Variants in DGKH observed in about 807,000 individuals in gnomAD.
DGKH encodes the protein diacylglycerol kinase eta.
A neutral mutation model predicts 159.3 loss-of-function variants in DGKH; 90 were observed. The ratio of observed to expected loss-of-function variants is 0.57; its 90% CI spans 0.48 to 0.67. The LOEUF (loss-of-function observed/expected upper bound fraction) is 0.67, where lower values mean the gene tolerates loss of function less well. Among genes scored for constraint, DGKH ranks in the 30% least tolerant of loss-of-function variants. The probability of loss-of-function intolerance (pLI) is 0.00; values close to 1 mark genes in which losing one functional copy is unlikely to be tolerated. For synonymous variants in DGKH, 536 were observed against 553.8 expected, an observed-to-expected ratio of 0.97 and a Z score of 0.45; for missense variants, 1,181 against 1,506.1, an observed-to-expected ratio of 0.78 and a Z score of 3.57.
rs1958500179 is a variant in DGKH, at chr13:42,240,777, C to G, written c.*11589C>G. 1 of 152,162 alleles carries G rather than the reference C, an allele frequency of 6.6e-6. No homozygotes were observed. The highest frequency in any genetic ancestry group is 1.5e-5 in the Non-Finnish European group (1 of 68,020). The allele number at this position is 152,162 out of a possible 1,614,324, so 9.4% of individuals were successfully genotyped here. ...CCTTTCTACCATATCACCAAATACT[C>G]ATAAAGGCTAACACAGAAAGCTTTT... On this transcript the variant is annotated 3_prime_UTR_variant, in exon 30 of 30. Coordinates refer to ENST00000337343, the MANE Select transcript of DGKH (RefSeq NM_178009.5).
intron 1 of DGKH, among the ~76,000 whole-genome samples, chr13:42,108,969 GT>G (rs1486038360): frequency 6.6e-6 from 1 of 152,212 alleles, no homozygotes; most frequent in Non-Finnish European, 1.5e-5. Flanking sequence ...GGAAAAAGTT[GT>G]TATTTTTAAA....
At chr13:42,198,182 T>C (rs1382824491) in intron 17 of DGKH, among the ~76,000 whole-genome samples, 1 of 152,224 alleles carries the variant, frequency 6.6e-6, no homozygotes, top group Non-Finnish European at 1.5e-5. Context: ...GTAAAATGTA[T>C]TTGTTATAGA....
At chr13:42,069,860 C>A (rs1328483110) in intron 1 of DGKH, 5 of 775,670 alleles carry the variant, frequency 6.4e-6, no homozygotes, top group Admixed American at 2.4e-5. Context: ...AAAGCAGGAT[C>A]CCCCAGATAC....
chr13:42,243,473 G>A (rs1025742086), downstream of DGKH, among the ~76,000 whole-genome samples: 1 of 152,184 alleles, frequency 6.6e-6, no homozygotes, highest in African/African-American at 2.4e-5. Context: ...TCCAGTGCAT[G>A]ACAAGTGTTG....
At chr13:42,174,221 TG>T in intron 12 of DGKH, 77 bp downstream of exon 12, 1 of 1,205,774 alleles carries the variant, frequency 8.3e-7, no homozygotes, top group Non-Finnish European at 1.2e-6. Flanking sequence ...AGAGAGAAAA[TG>T]TACTCCTAAT....
intron 21 of DGKH, among the ~76,000 whole-genome samples, chr13:42,206,594 C>G (rs1042281939): frequency 3.3e-5 from 5 of 151,968 alleles, no homozygotes; most frequent in Non-Finnish European, 1.5e-5. Context: ...GGGCTAAAAT[C>G]AAGGTGTCAG....
intron 29 of DGKH, among the ~76,000 whole-genome samples, chr13:42,222,934 A>C (rs1958020949): frequency 6.6e-6 from 1 of 152,244 alleles, no homozygotes; most frequent in African/African-American, 2.4e-5. Flanking sequence ...GTTAGAAAAG[A>C]ATAGAAAGAA....
At chr13:42,040,369 C>G (rs1241612215) in intron 1 of DGKH, among the ~76,000 whole-genome samples, 6 of 151,994 alleles carry the variant, frequency 3.9e-5, no homozygotes, top group Non-Finnish European at 7.4e-5. Flanking sequence ...CGCCCGGCCC[C>G]GGGGGAGGCC....
intron 1 of DGKH, among the ~76,000 whole-genome samples, chr13:42,049,564 C>A (rs931173024): frequency 1.3e-5 from 2 of 152,174 alleles, no homozygotes; most frequent in Admixed American, 6.5e-5. Flanking sequence ...AGGCAGAAGC[C>A]CCGAGGCAGG....
intron 11 of DGKH, among the ~76,000 whole-genome samples, chr13:42,170,867 C>T (rs554091219): frequency 6.6e-6 from 1 of 150,922 alleles, no homozygotes; most frequent in African/African-American, 2.4e-5. Flanking sequence ...CGCTTGAACC[C>T]GGGAGGCGGA....
chr13:42,113,596 A>G (rs1406076288), intron 1 of DGKH, among the ~76,000 whole-genome samples: 3 of 152,212 alleles, frequency 2.0e-5, no homozygotes, highest in Non-Finnish European at 2.9e-5. Context: ...GTCTGGAGTC[A>G]AAAGGAGCTG....
intron 13 of DGKH, among the ~76,000 whole-genome samples, chr13:42,181,276 CAAAAAAAAA>C (rs34220072): frequency 2.2e-4 from 18 of 81,244 alleles, no homozygotes; most frequent in Admixed American, 5.3e-4. Flanking sequence ...GACTCTGTCT[CAAAAAAAAA>C]AAAAAAAAAA....
At chr13:42,147,827 T>C (rs1367048849) in intron 3 of DGKH, among the ~76,000 whole-genome samples, 1 of 152,200 alleles carries the variant, frequency 6.6e-6, no homozygotes, top group African/African-American at 2.4e-5. Context: ...AATATATATC[T>C]TGTAAATATT....
chr13:42,166,647 A>G lies in DGKH; in HGVS notation c.1091A>G (p.Asp364Gly). ...TTGCTAAATCCGGCTCAGGTGTTTG[A>G]TTTAATGAATGGAGGTCCTCATTTA... ...KQLLNPAQVF[D>G]LMNGGPHLGL... Residue 364 changes from aspartate (D) to glycine (G), a missense_variant, in exon 9 of 30, where the codon GAT becomes GGT. Physicochemically the swap from Asp to Gly is moderately conservative, Grantham distance 94 (BLOSUM62 -1). This residue lies in a region of DGKH where 369 missense variants were observed against 519.4 expected (regional missense o/e 0.71). Coordinates refer to ENST00000337343, the MANE Select transcript of DGKH (RefSeq NM_178009.5). The G allele has an allele frequency of 6.2e-7, 1 of 1,601,922 alleles. No homozygotes were observed.
At chr13:42,219,645 T>C in intron 27 of DGKH, 41 bp from the exon 28 acceptor site, 2 of 1,564,032 alleles carry the variant, frequency 1.3e-6, no homozygotes, top group African/African-American at 1.4e-5. Context: ...TTTCTCCTTT[T>C]CATATCCTGA....
At chr13:42,210,471 G>T (rs997830216) in intron 23 of DGKH, 131 bp from the exon 24 acceptor site, 1 of 880,642 alleles carries the variant, frequency 1.1e-6, no homozygotes, top group Non-Finnish European at 1.7e-6. Context: ...ACTTTGAAAT[G>T]TCTTTTTTAT....
chr13:42,067,794 A>C lies in DGKH; in HGVS notation c.192+18829A>C, dbSNP rs189790611. On this transcript the variant is annotated intron_variant, in intron 1 of 29. Coordinates refer to ENST00000337343, the MANE Select transcript of DGKH (RefSeq NM_178009.5). ...TATAGACAGTATTCAATAAAATAAA[A>C]TAGATGAAACAAATTCTAAGAGACT... is the stretch of plus-strand genomic sequence containing the variant. Among the ~76,000 whole-genome samples, 163 of 152,260 alleles carry C rather than the reference A, an allele frequency of 1.1e-3. 1 individual carries two copies. Among genetic ancestry groups the C allele is most frequent in the African/African-American group, 3.8e-3 (157 of 41,550 alleles).
At chr13:42,221,049 C>G (rs1957957088) in intron 28 of DGKH, 1 of 488,440 alleles carries the variant, frequency 2.0e-6, no homozygotes, top group Non-Finnish European at 3.5e-6. Context: ...GGGTGCACGG[C>G]AGCAAATGGT....
At chr13:42,201,384 T>A (rs1957343761) in intron 20 of DGKH, among the ~76,000 whole-genome samples, 1 of 152,126 alleles carries the variant, frequency 6.6e-6, no homozygotes, top group Admixed American at 6.6e-5. Context: ...GTGAAATAGA[T>A]GGGTAAGTGA....
Sources: gnomAD v4.1 joint callset for allele counts (sites outside exome capture counted in the v4.1 genomes callset) on GRCh38, gnomAD v4.1.1 for gene constraint, gnomAD v4.1.1 regional missense constraint, MANE v1.5 for transcripts, NCBI Gene and HGNC (gene_info 2026-07-23, HGNC 2026-07-21) for gene names.